The following DNMT1 variants were observed in gnomAD, a reference collection of about 807,000 sequenced individuals.
The protein encoded by DNMT1 is DNA methyltransferase 1.
DNMT1 carries 24 observed loss-of-function variants against 205.3 expected under a neutral mutation model. The ratio of observed to expected loss-of-function variants is 0.12; its 90% CI spans 0.08 to 0.16. DNMT1 has a LOEUF of 0.16. DNMT1 is among the 10% of genes least tolerant of loss of function. The pLI, the probability that DNMT1 is intolerant of heterozygous loss-of-function variation, is 1.00. For synonymous variants in DNMT1, 817 were observed against 839.8 expected, an observed-to-expected ratio of 0.97 and a Z score of 0.47; for missense variants, 1,293 against 2,177.7, an observed-to-expected ratio of 0.59 and a Z score of 8.09.
intron 39 of DNMT1, among the ~76,000 whole-genome samples, chr19:10,134,861 A>G (rs1173106694): frequency 8.9e-6 from 1 of 112,218 alleles, no homozygotes; most frequent in East Asian, 5.3e-4. Flanking sequence ...CTGTCTCAGA[A>G]AAAAAAAAAA....
At position 10,154,232 on chromosome 19, in the gene DNMT1, T is replaced by G. The variant is rs893131510; in HGVS notation, c.2019+61A>C. The G allele has an allele frequency of 2.6e-6, 4 of 1,542,186 alleles. No homozygotes were observed. The highest frequency in any genetic ancestry group is 3.6e-6 in the Non-Finnish European group (4 of 1,115,650). On this transcript the variant is annotated intron_variant, in intron 22 of 40. Transcript: ENST00000359526. This position sits in a 1 kb window ranked among gnomAD's most constrained non-coding sequence, Gnocchi z 6.3. ...CACAGAGAGAAAGATGGAGCAGTCCTCAGATCAGGCCAGAGGCTGGGCCAC... is the reference window on the plus strand; with the variant it reads ...CACAGAGAGAAAGATGGAGCAGTCCGCAGATCAGGCCAGAGGCTGGGCCAC...
At chr19:10,134,529 G>A (rs1271145070) in intron 39 of DNMT1, among the ~76,000 whole-genome samples, 1 of 152,244 alleles carries the variant, frequency 6.6e-6, no homozygotes, top group African/African-American at 2.4e-5. Flanking sequence ...AAGTCACTGG[G>A]CCTTTGAAGA....
intron 12 of DNMT1, 44 bp from the exon 13 acceptor site, chr19:10,162,792 C>T: frequency 6.2e-7 from 1 of 1,601,578 alleles, no homozygotes. Context: ...CTTAGAAACA[C>T]TAACCACATC....
At chr19:10,167,935 C>G (rs1222206339) in intron 10 of DNMT1, among the ~76,000 whole-genome samples, 3 of 151,940 alleles carry the variant, frequency 2.0e-5, no homozygotes, top group African/African-American at 7.3e-5. Flanking sequence ...CCAGCCTGAC[C>G]AATATGGTGA....
At chr19:10,149,417 T>C in intron 26 of DNMT1, 36 bp downstream of exon 26, 1 of 1,610,110 alleles carries the variant, frequency 6.2e-7, no homozygotes, top group Non-Finnish European at 8.5e-7. Context: ...CCCTCCACGA[T>C]AAGGCAGGGG....
chr19:10,178,023 G>A (rs1475083196), intron 5 of DNMT1, among the ~76,000 whole-genome samples: 2 of 152,014 alleles, frequency 1.3e-5, no homozygotes, highest in Non-Finnish European at 2.9e-5. Context: ...ACTTTGGGAG[G>A]CAAGACGGGC....
At chr19:10,181,790 T>C (rs2039051282) in intron 2 of DNMT1, among the ~76,000 whole-genome samples, 1 of 151,866 alleles carries the variant, frequency 6.6e-6, no homozygotes, top group South Asian at 2.1e-4. Context: ...GATCATGCCA[T>C]TGCACTCTAG....
chr19:10,161,321 GTAAATAAATAAA>G (rs112691763), intron 13 of DNMT1, among the ~76,000 whole-genome samples: 2,726 of 146,670 alleles, frequency 0.019, 84 homozygotes, highest in African/African-American at 0.061. Flanking sequence ...AAATACATAA[GTAAATAAATAAA>G]TAAATAAATA....
rs1462626927 is a variant in DNMT1 at position 10,139,808 on chromosome 19, G to A, written c.3816C>T (p.Asp1272=). 4 of 1,581,848 alleles carry A rather than the reference G, an allele frequency of 2.5e-6. No individual in the cohort carries two copies. The African/African-American group carries it at 4.0e-5, about 16-fold the overall frequency. Residue 1272 remains aspartate (D), a synonymous_variant, in exon 34 of 41, where the codon GAC becomes GAT. Transcript: ENST00000359526. The part of the protein sequence containing the change: ...SLVVSFLSYC[D]YYRPRFFLLE... ...GGAGGAAGAACCGGGGCCGGTAGTA[G>A]TCGCAGTAGCTGTAGGGGGCAGGAG...
intron 28 of DNMT1, among the ~76,000 whole-genome samples, chr19:10,145,852 G>T (rs933166443): frequency 1.3e-5 from 2 of 151,766 alleles, no homozygotes; most frequent in African/African-American, 4.8e-5. Context: ...ATTTTGAGAC[G>T]GAGTCACACT....
chr19:10,148,622 G>A (rs1599358058), intron 27 of DNMT1, among the ~76,000 whole-genome samples: 4 of 152,120 alleles, frequency 2.6e-5, no homozygotes, highest in African/African-American at 9.7e-5. Flanking sequence ...GAACACACGG[G>A]AAGTCTTGAA....
Position 10,156,001 on chromosome 19 carries a change from AG to A in DNMT1, c.1400-57del, listed in dbSNP as rs927875612. 6.4e-7 allele frequency: 1 copy of A among 1,565,532 alleles called. No individual in the cohort carries two copies. Among genetic ancestry groups the A allele is most frequent in the African/African-American group, 1.3e-5 (1 of 74,248 alleles). ...CTCTGACTCACATCCCAAACCCAGG[AG>A]GCGCTCTAAGCGCCCACTCAGCAGA... On this transcript the variant is annotated intron_variant, in intron 18 of 40. Transcript: ENST00000359526. This position sits in a 1 kb window ranked among gnomAD's most constrained non-coding sequence, Gnocchi z 4.2.
Position 10,177,499 on chromosome 19 carries a change from A to G in DNMT1, c.494-132T>C, listed in dbSNP as rs2038958774. On this transcript the variant is annotated intron_variant, in intron 5 of 40. Coordinates refer to ENST00000359526, the MANE Select transcript of DNMT1 (RefSeq NM_001130823.3). ...GGTTCTAAGGACTAAGCATCTTTGCATTTTTATTCTAGTCAACAACCAGCT... is the reference window on the plus strand; with the variant it reads ...GGTTCTAAGGACTAAGCATCTTTGCGTTTTTATTCTAGTCAACAACCAGCT... 4.4e-5 allele frequency: 38 copies of G among 864,422 alleles called. No homozygotes were observed. In the Middle Eastern group the frequency reaches 3.7e-3, roughly 85 times the overall value. The allele number at this position is 864,422 out of a possible 1,614,324, so 53.5% of individuals were successfully genotyped here.
At chr19:10,143,078 C>T (rs542898833) in intron 29 of DNMT1, among the ~76,000 whole-genome samples, 77 of 152,278 alleles carry the variant, frequency 5.1e-4, no homozygotes, top group African/African-American at 1.8e-3. Context: ...AAAAAGAAAA[C>T]GTAATAGGCC....
chr19:10,193,163 G>A (rs2039333633), intron 1 of DNMT1, among the ~76,000 whole-genome samples: 2 of 152,056 alleles, frequency 1.3e-5, no homozygotes, highest in South Asian at 4.1e-4. Context: ...AGACCAGCCT[G>A]GGCAATATGG....
Position 10,138,080 on chromosome 19 carries a change from C to T in DNMT1, c.4116-71G>A. 2 of 1,525,592 alleles carry T rather than the reference C, an allele frequency of 1.3e-6. No individual in the cohort carries two copies. The highest frequency in any genetic ancestry group is 1.8e-6 in the Non-Finnish European group (2 of 1,125,030). 94.5% of individuals were successfully genotyped at this position (1,525,592 alleles called of 1,614,324 possible). A position where few individuals can be genotyped will look rare whatever the true frequency, so the allele number is the denominator to read the frequency against. On this transcript the variant is annotated intron_variant, in intron 35 of 40. Transcript: ENST00000359526. The surrounding 1 kb of genome is among the most constrained non-coding windows in gnomAD (Gnocchi z 4.1). ...GCTGTCCCCTCATCACAGGTGCCAC[C>T]CCCTGCCTGCTCAGATGGCCTTCTC...
At chr19:10,160,570 C>T in intron 13 of DNMT1, 152 bp from the exon 14 acceptor site, 1 of 780,172 alleles carries the variant, frequency 1.3e-6, no homozygotes, top group Non-Finnish European at 2.1e-6. Flanking sequence ...AGCTCTGACT[C>T]ACTCTACCAT....
chr19:10,149,034 G>A lies in DNMT1; in HGVS notation c.2587-17C>T. The A allele has an allele frequency of 6.2e-7, 1 of 1,613,650 alleles. No individual in the cohort carries two copies. The highest frequency in any genetic ancestry group is 8.5e-7 in the Non-Finnish European group (1 of 1,179,940). ...CATGCCTCCCTTGGGAGATAAGAAT[G>A]CGTGTCAGGCCAGGCGCAGTGGCTC... is the stretch of plus-strand genomic sequence containing the variant. On this transcript the variant is annotated splice_polypyrimidine_tract_variant and intron_variant, in intron 26 of 40. Transcript: ENST00000359526.
At position 10,151,641 on chromosome 19, in the gene DNMT1, TA is replaced by T. The variant is rs1374106689; in HGVS notation, c.2118-97del. ...CAGGGACAGGTCCTGAGACAATGCC[TA>T]ACGAAGGAATCCTGGTGCTGTCCCA... On this transcript the variant is annotated intron_variant, in intron 23 of 40. Coordinates refer to ENST00000359526, the MANE Select transcript of DNMT1 (RefSeq NM_001130823.3). The surrounding 1 kb of genome is among the most constrained non-coding windows in gnomAD (Gnocchi z 5.0). 1.2e-6 allele frequency: 2 copies of T among 1,608,712 alleles called. No homozygotes were observed. The highest frequency in any genetic ancestry group is 2.7e-5 in the African/African-American group (2 of 74,822).
Sources: gnomAD v4.1 joint callset for allele counts (sites outside exome capture counted in the v4.1 genomes callset) on GRCh38, gnomAD v4.1.1 for gene constraint, Gnocchi (gnomAD v3.1) non-coding constraint, MANE v1.5 for transcripts, NCBI Gene and HGNC (gene_info 2026-07-23, HGNC 2026-07-21) for gene names.